The following LRRC4B variants were observed in gnomAD, a reference collection of about 807,000 sequenced individuals.
LRRC4B encodes leucine-rich repeat-containing protein 4B.
A neutral mutation model predicts 7.3 loss-of-function variants in LRRC4B; 1 was observed. That is an observed-to-expected ratio of 0.14 (90% CI 0.05 to 0.65). LRRC4B has a LOEUF of 0.65. LRRC4B is among the 30% of genes least tolerant of loss of function. The probability of loss-of-function intolerance (pLI) is 0.84; values close to 1 mark genes in which losing one functional copy is unlikely to be tolerated. For synonymous variants in LRRC4B, 500 were observed against 499.2 expected (o/e 1.00, Z -0.02); for missense variants, 730 against 1,041.6 (o/e 0.70, Z 4.12).
chr19:50,520,380 A>G (rs1295950342), intron 2 of LRRC4B, among the ~76,000 whole-genome samples: 1 of 152,138 alleles, frequency 6.6e-6, no homozygotes, highest in Non-Finnish European at 1.5e-5. Flanking sequence ...CTGTAATGCC[A>G]GCACTTTGGG....
chr19:50,551,790 C>G (rs1469744702), intron 1 of LRRC4B, among the ~76,000 whole-genome samples: 2 of 151,744 alleles, frequency 1.3e-5, no homozygotes, highest in African/African-American at 2.4e-5. Context: ...CTGTCTGTCT[C>G]TCTCTTTCTC....
chr19:50,542,882 C>T (rs893814186), intron 2 of LRRC4B, among the ~76,000 whole-genome samples: 17 of 152,150 alleles, frequency 1.1e-4, no homozygotes, highest in Non-Finnish European at 1.8e-4. Flanking sequence ...TGAATGGCAA[C>T]GTTCTAGCTT....
At chr19:50,551,441 G>A (rs1443593953) in intron 1 of LRRC4B, among the ~76,000 whole-genome samples, 4 of 138,298 alleles carry the variant, frequency 2.9e-5, no homozygotes, top group East Asian at 2.2e-4. Flanking sequence ...CGCCTCCTCC[G>A]GTCTCCTTCC....
chr19:50,558,650 T>C (rs1982362366), intron 1 of LRRC4B, among the ~76,000 whole-genome samples: 4 of 152,272 alleles, frequency 2.6e-5, no homozygotes, highest in Admixed American at 2.6e-4. Context: ...ACGTGACGTA[T>C]GTCGAGAAGG....
At position 50,518,075 on chromosome 19, in the gene LRRC4B, C is replaced by T; in HGVS notation, c.1638G>A (p.Ser546=). Residue 546 remains serine, a synonymous_variant, in exon 3 of 3, where the codon TCG becomes TCA. Transcript: ENST00000652263. ...SSTTAPAPRS[S]RPTEKAFTVP... ...CCGTGAACGCCTTCTCCGTGGGCCG[C>T]GAGGAGCGCGGGGCGGGTGCCGTGG... 1 of 1,591,602 alleles carries T rather than the reference C, an allele frequency of 6.3e-7. No homozygotes were observed. The highest frequency in any genetic ancestry group is 8.5e-7 in the Non-Finnish European group (1 of 1,171,886).
chr19:50,520,248 G>A (rs28862064), intron 2 of LRRC4B, among the ~76,000 whole-genome samples: 4,218 of 12,734 alleles, frequency 0.33, 668 homozygotes, highest in Middle Eastern at 0.45. Flanking sequence ...AAAAAAAAAA[G>A]AAGAAAAGAA....
chr19:50,552,776 C>T (rs1388190654), intron 1 of LRRC4B, among the ~76,000 whole-genome samples: 2 of 152,184 alleles, frequency 1.3e-5, no homozygotes, highest in African/African-American at 4.8e-5. Flanking sequence ...ATCCATCCAT[C>T]CATCCGTCCA....
chr19:50,549,699 C>T (rs1568732112), intron 1 of LRRC4B, among the ~76,000 whole-genome samples: 2 of 152,314 alleles, frequency 1.3e-5, no homozygotes, highest in South Asian at 4.1e-4. Flanking sequence ...GAGACTGGAG[C>T]TTGTGTGTGA....
chr19:50,519,404 C>T lies in LRRC4B; in HGVS notation c.309G>A (p.Thr103=), dbSNP rs780355145. ...GGTGCCGCAGGTGCTTGAACGTGTC[C>T]GTCCGGATCACCTGGGGAGAGGGAG... ...LQENGIQVIR[T]DTFKHLRHLE... Residue 103 remains threonine, a synonymous_variant, in exon 3 of 3, where the codon ACG becomes ACA. Coordinates refer to ENST00000652263, the MANE Select transcript of LRRC4B (RefSeq NM_001080457.2). This position sits in a 1 kb window ranked among gnomAD's most constrained non-coding sequence, Gnocchi z 8.1. 1.5e-5 allele frequency: 24 copies of T among 1,595,278 alleles called. No individual in the cohort carries two copies. Among genetic ancestry groups the T allele is most frequent in the East Asian group, 9.0e-5 (4 of 44,632 alleles).
At chr19:50,523,543 T>TG (rs1490135302) in intron 2 of LRRC4B, among the ~76,000 whole-genome samples, 1 of 30,668 alleles carries the variant, frequency 3.3e-5, no homozygotes, top group Non-Finnish European at 7.7e-5. Flanking sequence ...CCGGGGGTGG[T>TG]GGGGGGTGCC....
Position 50,518,570 on chromosome 19 carries a change from G to C in LRRC4B, c.1143C>G (p.Ala381=). ...TDLNVTEGMA[A]ELKCRTGTSM... ...AGGTGCCCGTGCGGCATTTGAGCTCGGCAGCCATGCCCTCGGTGACGTTGA... is the reference window on the plus strand; with the variant it reads ...AGGTGCCCGTGCGGCATTTGAGCTCCGCAGCCATGCCCTCGGTGACGTTGA... The change falls in exon 3 of 3, where the codon GCC becomes GCG. Residue 381 remains alanine (A), a synonymous_variant. Coordinates refer to ENST00000652263, the MANE Select transcript of LRRC4B (RefSeq NM_001080457.2). 1 of 1,591,472 alleles carries C rather than the reference G, an allele frequency of 6.3e-7. No homozygotes were observed. The highest frequency in any genetic ancestry group is 1.1e-5 in the South Asian group (1 of 87,826).
rs1426743855 is a variant in LRRC4B, at chr19:50,537,665, G to A, written c.297+10877C>T. 2.0e-5 allele frequency among the ~76,000 whole-genome samples: 3 copies of A among 152,204 alleles called. No individual in the cohort carries two copies. The highest frequency in any genetic ancestry group is 1.3e-4 in the Admixed American group (2 of 15,282). On this transcript the variant is annotated intron_variant, in intron 2 of 2. Transcript: ENST00000652263. This position sits in a 1 kb window ranked among gnomAD's most constrained non-coding sequence, Gnocchi z 5.5. ...TTAACTTTAACAGGTGTGAGCCACCGCGCCCGGCCGACTGTTCTTTTCTGT... is the reference window on the plus strand; with the variant it reads ...TTAACTTTAACAGGTGTGAGCCACCACGCCCGGCCGACTGTTCTTTTCTGT...
At position 50,566,668 on chromosome 19, in the gene LRRC4B, G is replaced by A. The variant is rs78843356; in HGVS notation, c.-36+1276C>T. Among the ~76,000 whole-genome samples, 1,409 of 151,856 alleles carry A rather than the reference G, an allele frequency of 9.3e-3. 67 individuals are homozygous for A. In the East Asian group the frequency reaches 0.15, roughly 16 times the overall value. On this transcript the variant is annotated intron_variant, in intron 1 of 2. Transcript: ENST00000652263. Reference sequence around the variant, plus strand: ...GGCCCCTGGCAGGACAGGACCCCAGGGAGGCAGGGGCATAGAGATGGGGGG... The same window carrying A: ...GGCCCCTGGCAGGACAGGACCCCAGAGAGGCAGGGGCATAGAGATGGGGGG...
chr19:50,550,093 T>C (rs145938107), intron 1 of LRRC4B, among the ~76,000 whole-genome samples: 1 of 152,258 alleles, frequency 6.6e-6, no homozygotes, highest in Non-Finnish European at 1.5e-5. Flanking sequence ...CAGCAAACTG[T>C]ATCCCGGTCA....
chr19:50,565,346 C>T (rs1335335800), intron 1 of LRRC4B, among the ~76,000 whole-genome samples: 2 of 152,234 alleles, frequency 1.3e-5, no homozygotes, highest in Non-Finnish European at 2.9e-5. Context: ...TTTGTCTCTC[C>T]CTCCAGGTCT....
At position 50,562,525 on chromosome 19, in the gene LRRC4B, G is replaced by A. The variant is rs75544761; in HGVS notation, c.-36+5419C>T. 2.4e-4 allele frequency among the ~76,000 whole-genome samples: 36 copies of A among 152,308 alleles called. No individual in the cohort carries two copies. In the East Asian group the frequency reaches 4.8e-3, roughly 20 times the overall value. On this transcript the variant is annotated intron_variant, in intron 1 of 2. Coordinates refer to ENST00000652263, the MANE Select transcript of LRRC4B (RefSeq NM_001080457.2). ...CAAGGGGAGGGCCAATCTCCTCTGC[G>A]TTTACCCCCTGGGGCTGGCCTCTGC...
intron 2 of LRRC4B, among the ~76,000 whole-genome samples, chr19:50,540,210 C>T (rs1389225478): frequency 1.3e-5 from 2 of 152,068 alleles, no homozygotes; most frequent in East Asian, 3.9e-4. Flanking sequence ...CCCAGGGGTC[C>T]GCAACCCCTA....
chr19:50,560,650 T>C (rs1202341282), intron 1 of LRRC4B, among the ~76,000 whole-genome samples: 1 of 152,032 alleles, frequency 6.6e-6, no homozygotes, highest in Non-Finnish European at 1.5e-5. Context: ...GTTGAAACTC[T>C]GGCTGGCCAC....
At chr19:50,524,703 C>T (rs765551391) in intron 2 of LRRC4B, among the ~76,000 whole-genome samples, 8 of 152,212 alleles carry the variant, frequency 5.3e-5, no homozygotes, top group African/African-American at 1.4e-4. Flanking sequence ...TGCAAACTTG[C>T]GATTGAGCCA....
Sources: gnomAD v4.1 joint callset for allele counts (sites outside exome capture counted in the v4.1 genomes callset) on GRCh38, gnomAD v4.1.1 for gene constraint, Gnocchi (gnomAD v3.1) non-coding constraint, MANE v1.5 for transcripts, NCBI Gene and HGNC (gene_info 2026-07-23, HGNC 2026-07-21) for gene names.